Variants in NAA15 observed in about 807,000 individuals in gnomAD.
NAA15 encodes N-alpha-acetyltransferase 15, NatA auxiliary subunit, also known as N-terminal acetyltransferase.
In NAA15, 34 loss-of-function variants were observed where a neutral mutation model predicts 114.0. That is an observed-to-expected ratio of 0.30 (90% CI 0.23 to 0.40). The LOEUF (loss-of-function observed/expected upper bound fraction) is 0.40, where lower values mean the gene tolerates loss of function less well. Ranked by LOEUF, NAA15 falls within the 10% of genes least tolerant of loss-of-function variation. The probability of loss-of-function intolerance (pLI) is 1.00; values close to 1 mark genes in which losing one functional copy is unlikely to be tolerated. For synonymous variants in NAA15, 340 were observed against 338.0 expected, an observed-to-expected ratio of 1.01 and a Z score of -0.06; for missense variants, 658 against 1,004.5, an observed-to-expected ratio of 0.66 and a Z score of 4.66.
chr4:139,351,698 A>G (rs568125594), intron 9 of NAA15, 87 bp downstream of exon 9: 4 of 641,160 alleles, frequency 6.2e-6, no homozygotes, highest in African/African-American at 1.8e-5. Context: ...TCTGCACAGT[A>G]GTACGTGTTT....
At chr4:139,317,745 G>T (rs1746461926) in intron 1 of NAA15, among the ~76,000 whole-genome samples, 2 of 152,112 alleles carry the variant, frequency 1.3e-5, no homozygotes, top group Admixed American at 6.5e-5. Flanking sequence ...TGCAATTCAG[G>T]TTTTGTATAA....
At chr4:139,306,963 G>T (rs1462492403) in intron 1 of NAA15, among the ~76,000 whole-genome samples, 3 of 152,136 alleles carry the variant, frequency 2.0e-5, no homozygotes, top group Non-Finnish European at 4.4e-5. Flanking sequence ...TCTAAGTTGG[G>T]AATAGTTAAA....
Position 139,351,502 on chromosome 4 carries a change from A to G in NAA15, c.908-3A>G, listed in dbSNP as rs1747777180. On this transcript the variant is annotated splice_region_variant and splice_polypyrimidine_tract_variant and intron_variant, in intron 8 of 19. Coordinates refer to ENST00000296543, the MANE Select transcript of NAA15 (RefSeq NM_057175.5). ...TAAGCGAAAAGGATTTTTCTCTTCC[A>G]AGGTGAGAAGTTTAAAGAATGTTTG... The G allele has an allele frequency of 2.4e-5, 37 of 1,549,278 alleles. No homozygotes were observed. Among genetic ancestry groups the G allele is most frequent in the Non-Finnish European group, 3.2e-5 (36 of 1,124,512 alleles).
chr4:139,325,965 A>G (rs1746788554), intron 1 of NAA15, among the ~76,000 whole-genome samples: 2 of 152,222 alleles, frequency 1.3e-5, no homozygotes, highest in Non-Finnish European at 2.9e-5. Flanking sequence ...ATATTTGTAT[A>G]GGTTCACATA....
chr4:139,384,338 C>T (rs1439608071), intron 17 of NAA15, among the ~76,000 whole-genome samples: 2 of 151,998 alleles, frequency 1.3e-5, no homozygotes, highest in African/African-American at 4.8e-5. Flanking sequence ...ATTAGCTGGA[C>T]GTGGTAGCTT....
chr4:139,311,000 C>G (rs1746206329), intron 1 of NAA15, among the ~76,000 whole-genome samples: 1 of 151,382 alleles, frequency 6.6e-6, no homozygotes, highest in Non-Finnish European at 1.5e-5. Context: ...TCTCGGCTCA[C>G]TGCAACCTCT....
chr4:139,306,577 GT>G (rs541184787), intron 1 of NAA15, among the ~76,000 whole-genome samples: 117 of 137,720 alleles, frequency 8.5e-4, no homozygotes, highest in Non-Finnish European at 9.1e-4. Flanking sequence ...CCAGAAGCTG[GT>G]TTTTTTTTTT....
chr4:139,333,414 T>C (rs1747092872), intron 1 of NAA15, among the ~76,000 whole-genome samples: 3 of 152,216 alleles, frequency 2.0e-5, no homozygotes, highest in African/African-American at 2.4e-5. Flanking sequence ...TTTTCCCCTC[T>C]CTGGAAGTTT....
At chr4:139,382,599 A>C (rs1298339267) in intron 17 of NAA15, among the ~76,000 whole-genome samples, 1 of 152,108 alleles carries the variant, frequency 6.6e-6, no homozygotes, top group African/African-American at 2.4e-5. Flanking sequence ...TTTTTGAGAT[A>C]ATTAATGTCA....
At position 139,371,497 on chromosome 4, in the gene NAA15, G is replaced by GCACGCACACACA. The variant is rs1553998024; in HGVS notation, c.1947+1096_1947+1097insGCACACACACAC. ...CTTAAAAAAAAAAAAAAGAAAAGTAGCACACACACACACACACACACACAC... is the reference window on the plus strand; with the variant it reads ...CTTAAAAAAAAAAAAAAGAAAAGTAGCACGCACACACACACACACACACACACACACACACAC... On this transcript the variant is annotated intron_variant, in intron 15 of 19. Transcript: ENST00000296543. Among the ~76,000 whole-genome samples, 6 of 113,664 alleles carry GCACGCACACACA rather than the reference G, an allele frequency of 5.3e-5. No homozygotes were observed. The East Asian group carries it at 1.1e-3, about 21-fold the overall frequency. The allele number at this position is 113,664 out of a possible 152,430, so 74.6% of individuals were successfully genotyped here.
At chr4:139,369,686 T>C (rs912212394) in intron 14 of NAA15, among the ~76,000 whole-genome samples, 5 of 134,018 alleles carry the variant, frequency 3.7e-5, no homozygotes, top group Non-Finnish European at 6.1e-5. Context: ...TGCAGTAAGC[T>C]GAGATCTCGC....
In NAA15 at chr4:139,371,497, G is replaced by GCACGCACACA. The variant is rs1553998024; in HGVS notation, c.1947+1096_1947+1097insGCACACACAC. ...CTTAAAAAAAAAAAAAAGAAAAGTA[G>GCACGCACACA]CACACACACACACACACACACACAC... On this transcript the variant is annotated intron_variant, in intron 15 of 19. Coordinates refer to ENST00000296543, the MANE Select transcript of NAA15 (RefSeq NM_057175.5). Among the ~76,000 whole-genome samples the GCACGCACACA allele has an allele frequency of 3.5e-5, 4 of 113,678 alleles. No homozygotes were observed. In the East Asian group the frequency reaches 8.5e-4, roughly 24 times the overall value. The allele number at this position is 113,678 out of a possible 152,430, so 74.6% of individuals were successfully genotyped here.
chr4:139,382,424 TA>T (rs1200271992), intron 17 of NAA15, among the ~76,000 whole-genome samples: 3 of 151,980 alleles, frequency 2.0e-5, no homozygotes, highest in African/African-American at 4.8e-5. Flanking sequence ...TAAAACAAGT[TA>T]AAAAAAGATA....
chr4:139,301,738 G>T lies in NAA15; in HGVS notation c.-40G>T, dbSNP rs1043324484. On this transcript the variant is annotated 5_prime_UTR_variant, in exon 1 of 20. Coordinates refer to ENST00000296543, the MANE Select transcript of NAA15 (RefSeq NM_057175.5). ...CGGCGGTCGGACAAACTGACTGACC[G>T]AGCCGGGTGGTGGCGGGAGCAGCGG... 1.3e-6 allele frequency: 2 copies of T among 1,543,856 alleles called. No individual in the cohort carries two copies. The highest frequency in any genetic ancestry group is 1.8e-6 in the Non-Finnish European group (2 of 1,141,344).
At chr4:139,306,860 C>T (rs1579078203) in intron 1 of NAA15, among the ~76,000 whole-genome samples, 4 of 152,264 alleles carry the variant, frequency 2.6e-5, no homozygotes, top group African/African-American at 9.6e-5. Context: ...ATCCTAATGC[C>T]TTTCAATCAA....
At chr4:139,309,965 C>T (rs923601857) in intron 1 of NAA15, among the ~76,000 whole-genome samples, 7 of 152,152 alleles carry the variant, frequency 4.6e-5, no homozygotes, top group South Asian at 2.1e-4. Context: ...ACTATTGGAG[C>T]GCTGGTTAAT....
chr4:139,372,171 C>T (rs893405883), intron 15 of NAA15, among the ~76,000 whole-genome samples: 1 of 152,306 alleles, frequency 6.6e-6, no homozygotes, highest in African/African-American at 2.4e-5. Context: ...CCGCCTCAGC[C>T]TCCCAAAGTG....
At chr4:139,350,348 A>G (rs1265501183) in intron 7 of NAA15, among the ~76,000 whole-genome samples, 1 of 152,238 alleles carries the variant, frequency 6.6e-6, no homozygotes, top group Non-Finnish European at 1.5e-5. Context: ...CTCTGTGGTA[A>G]GCTGTGGCTG....
intron 14 of NAA15, among the ~76,000 whole-genome samples, chr4:139,363,198 TC>T (rs1748183078): frequency 6.6e-6 from 1 of 152,240 alleles, no homozygotes; most frequent in African/African-American, 2.4e-5. Flanking sequence ...TGTTTTTCTT[TC>T]TATTCTTCTG....
Sources: gnomAD v4.1 joint callset for allele counts (sites outside exome capture counted in the v4.1 genomes callset) on GRCh38, gnomAD v4.1.1 for gene constraint, MANE v1.5 for transcripts, NCBI Gene and HGNC (gene_info 2026-07-23, HGNC 2026-07-21) for gene names.